The following FOXP2 variants were observed in gnomAD, a reference collection of about 807,000 sequenced individuals.
FOXP2 encodes forkhead box protein P2.
FOXP2 carries 12 observed loss-of-function variants against 115.8 expected under a neutral mutation model. The observed-to-expected ratio is 0.10, with a 90% CI of 0.07 to 0.17. The LOEUF (loss-of-function observed/expected upper bound fraction) is 0.17, where lower values mean the gene tolerates loss of function less well. FOXP2 is among the 10% of genes least tolerant of loss of function. The pLI is 1.00. For missense variants in FOXP2, 629 were observed against 843.5 expected (o/e 0.75, Z 3.15); for synonymous variants, 328 against 297.7 (o/e 1.10, Z -1.05).
In FOXP2 at chr7:114,369,078, C is replaced by T. The variant is rs539436707; in HGVS notation, c.-10-57424C>T. 4.1e-4 allele frequency among the ~76,000 whole-genome samples: 63 copies of T among 152,290 alleles called. 1 individual carries two copies. In the South Asian group the frequency reaches 0.012, roughly 30 times the overall value. On this transcript the variant is annotated intron_variant, in intron 2 of 17. Transcript: ENST00000634411. Reference sequence around the variant, plus strand: ...TGTTTCTGGCTGCTAGCTGGAAACTCAGCCAGGGTTGTCTACTGAGTGCCT... The same window carrying T: ...TGTTTCTGGCTGCTAGCTGGAAACTTAGCCAGGGTTGTCTACTGAGTGCCT...
chr7:114,165,742 T>C (rs975760131), intron 1 of FOXP2, among the ~76,000 whole-genome samples: 4 of 152,148 alleles, frequency 2.6e-5, no homozygotes, highest in African/African-American at 9.7e-5. Flanking sequence ...CCCAGCAAGT[T>C]ATTTTGTGGG....
At chr7:114,572,524 A>G (rs1801359324) in intron 3 of FOXP2, among the ~76,000 whole-genome samples, 1 of 151,882 alleles carries the variant, frequency 6.6e-6, no homozygotes, top group Non-Finnish European at 1.5e-5. Context: ...GATAAATTTT[A>G]GGTAAACATC....
At chr7:114,689,701 T>C in intron 16 of FOXP2, 81 bp from the exon 17 acceptor site, 3 of 1,458,550 alleles carry the variant, frequency 2.1e-6, no homozygotes, top group Non-Finnish European at 2.9e-6. Flanking sequence ...CTTTTTTCAG[T>C]TGACCTCTTC....
chr7:114,110,912 C>T (rs1372571098), intron 1 of FOXP2, among the ~76,000 whole-genome samples: 1 of 151,996 alleles, frequency 6.6e-6, no homozygotes, highest in Non-Finnish European at 1.5e-5. Context: ...CTTTTGAATC[C>T]TCCATAAGCA....
intron 1 of FOXP2, among the ~76,000 whole-genome samples, chr7:114,190,650 G>A (rs1468202534): frequency 6.6e-6 from 1 of 152,046 alleles, no homozygotes; most frequent in East Asian, 1.9e-4. Context: ...CTTAAAACAT[G>A]CCTGATTCCA....
intron 1 of FOXP2, among the ~76,000 whole-genome samples, chr7:114,096,391 T>A (rs1799652657): frequency 6.6e-6 from 1 of 152,236 alleles, no homozygotes; most frequent in Non-Finnish European, 1.5e-5. Context: ...AATATTCCTT[T>A]ACTTCCAGAA....
intron 1 of FOXP2, among the ~76,000 whole-genome samples, chr7:114,235,538 C>T (rs1441459344): frequency 6.6e-6 from 1 of 152,098 alleles, no homozygotes; most frequent in Admixed American, 6.6e-5. Context: ...CAGAGGTTTT[C>T]TGATGTCACA....
chr7:114,341,926 C>T (rs1037326374), intron 2 of FOXP2, among the ~76,000 whole-genome samples: 1 of 151,312 alleles, frequency 6.6e-6, no homozygotes, highest in Admixed American at 6.6e-5. Flanking sequence ...ATTCTTATGG[C>T]TAGATTGGAA....
At position 114,342,401 on chromosome 7, in the gene FOXP2, T is replaced by C. The variant is rs113652125; in HGVS notation, c.-11+54292T>C. On this transcript the variant is annotated intron_variant, in intron 2 of 17. Transcript: ENST00000634411. ...ATAGTTCCAAGAATAGCCTATCATATCTTAATTCCTGAATACAGACTTTCC... is the reference window on the plus strand; with the variant it reads ...ATAGTTCCAAGAATAGCCTATCATACCTTAATTCCTGAATACAGACTTTCC... 6.1e-3 allele frequency among the ~76,000 whole-genome samples: 923 copies of C among 151,542 alleles called. 5 individuals are homozygous for C. The highest frequency in any genetic ancestry group is 9.8e-3 in the Non-Finnish European group (659 of 67,542).
rs532217658 is a variant in FOXP2 at position 114,395,384 on chromosome 7, A to G, written c.-10-31118A>G. On this transcript the variant is annotated intron_variant, in intron 2 of 17. Transcript: ENST00000634411. ...GTTATGGCATTGCAGCAGAGGAAAA[A>G]GACAGGAGCATAAGCTCAGAGGTTT... Among the ~76,000 whole-genome samples, 3 of 152,302 alleles carry G rather than the reference A, an allele frequency of 2.0e-5. No homozygotes were observed. The South Asian group carries it at 6.2e-4, about 32-fold the overall frequency.
intron 1 of FOXP2, among the ~76,000 whole-genome samples, chr7:114,275,292 G>A (rs1430427631): frequency 6.6e-6 from 1 of 151,940 alleles, no homozygotes; most frequent in South Asian, 2.1e-4. Context: ...CCCATTATGT[G>A]TATATTAGAC....
chr7:114,442,494 G>A (rs1029237293), intron 2 of FOXP2, among the ~76,000 whole-genome samples: 1 of 152,104 alleles, frequency 6.6e-6, no homozygotes, highest in African/African-American at 2.4e-5. Flanking sequence ...TCTCACTCCT[G>A]TTGCCCAGGC....
intron 2 of FOXP2, among the ~76,000 whole-genome samples, chr7:114,492,588 T>C (rs1292356091): frequency 2.6e-5 from 4 of 152,168 alleles, no homozygotes; most frequent in Admixed American, 2.6e-4. Context: ...TTTGAATGTG[T>C]CCCAGAGATT....
intron 2 of FOXP2, among the ~76,000 whole-genome samples, chr7:114,454,403 A>G (rs1795199858): frequency 6.6e-6 from 1 of 152,030 alleles, no homozygotes; most frequent in Non-Finnish European, 1.5e-5. Context: ...AAATAGGAAC[A>G]CTTTTACACT....
chr7:114,346,844 A>G (rs562794119), intron 2 of FOXP2, among the ~76,000 whole-genome samples: 9 of 151,918 alleles, frequency 5.9e-5, no homozygotes, highest in African/African-American at 2.2e-4. Flanking sequence ...CAAAGCTACA[A>G]TGAGGAGGAA....
intron 16 of FOXP2, chr7:114,669,892 T>C (rs1432467074): frequency 6.6e-6 from 1 of 152,098 alleles, no homozygotes; most frequent in Non-Finnish European, 1.5e-5. Context: ...GGTTCAGATT[T>C]GCTGTTCTTC....
At chr7:114,562,016 T>C (rs1246488540) in intron 3 of FOXP2, among the ~76,000 whole-genome samples, 1 of 152,114 alleles carries the variant, frequency 6.6e-6, no homozygotes, top group East Asian at 1.9e-4. Flanking sequence ...TTCTGCGCAC[T>C]ATGTTCTCTT....
intron 9 of FOXP2, 105 bp downstream of exon 9, chr7:114,652,395 C>T (rs770555976): frequency 3.3e-6 from 3 of 903,316 alleles, no homozygotes; most frequent in Non-Finnish European, 5.4e-6. Context: ...CTGTCTTAGC[C>T]ATTCAATACT....
rs150804252 is a variant in FOXP2 at position 114,469,538 on chromosome 7, T to C, written c.168+42859T>C. On this transcript the variant is annotated intron_variant, in intron 2 of 16. Transcript: ENST00000350908. ...TATATTTTAGTTGGTATGCCTAGAA[T>C]TATAGAAAATATCCGTGACTATGTT... Among the ~76,000 whole-genome samples, 406 of 152,286 alleles carry C rather than the reference T, an allele frequency of 2.7e-3. 2 individuals are homozygous for C. The highest frequency in any genetic ancestry group is 9.4e-3 in the African/African-American group (390 of 41,564).
Sources: gnomAD v4.1 joint callset for allele counts (sites outside exome capture counted in the v4.1 genomes callset) on GRCh38, gnomAD v4.1.1 for gene constraint, MANE v1.5 for transcripts, NCBI Gene and HGNC (gene_info 2026-07-23, HGNC 2026-07-21) for gene names.